The following KANSL1L variants were observed in gnomAD, a reference collection of about 807,000 sequenced individuals.
KANSL1L encodes KAT8 regulatory NSL complex subunit 1-like protein.
Under a neutral mutation model 108.6 loss-of-function variants are expected in KANSL1L, and 25 were observed. The ratio of observed to expected loss-of-function variants is 0.23; its 90% CI spans 0.17 to 0.32. The LOEUF (loss-of-function observed/expected upper bound fraction) is 0.32, where lower values mean the gene tolerates loss of function less well. Ranked by LOEUF, KANSL1L falls within the 10% of genes least tolerant of loss-of-function variation. The pLI is 1.00. For missense variants in KANSL1L, 1,137 were observed against 1,125.7 expected, an observed-to-expected ratio of 1.01 and a Z score of -0.14; for synonymous variants, 405 against 395.1, an observed-to-expected ratio of 1.03 and a Z score of -0.30.
chr2:210,122,289 C>T (rs547016236), intron 3 of KANSL1L, among the ~76,000 whole-genome samples: 7 of 152,230 alleles, frequency 4.6e-5, no homozygotes, highest in African/African-American at 1.7e-4. Flanking sequence ...AATTATACTA[C>T]AGAGCTGTAT....
At chr2:210,115,719 G>C (rs958625113) in intron 3 of KANSL1L, among the ~76,000 whole-genome samples, 6 of 152,162 alleles carry the variant, frequency 3.9e-5, no homozygotes, top group African/African-American at 1.4e-4. Flanking sequence ...CCATGAGTTA[G>C]CATGAAGCAA....
intron 5 of KANSL1L, among the ~76,000 whole-genome samples, chr2:210,092,180 C>T (rs1333721016): frequency 6.6e-6 from 1 of 152,148 alleles, no homozygotes; most frequent in Non-Finnish European, 1.5e-5. Flanking sequence ...CTGTGTTTGG[C>T]TTCCTGAATG....
intron 3 of KANSL1L, among the ~76,000 whole-genome samples, chr2:210,115,049 A>C (rs2094941670): frequency 6.6e-6 from 1 of 152,116 alleles, no homozygotes. Context: ...AAAAGGTATA[A>C]GATATATAGA....
intron 4 of KANSL1L, among the ~76,000 whole-genome samples, chr2:210,099,034 G>A (rs1400311772): frequency 6.6e-6 from 1 of 151,870 alleles, no homozygotes; most frequent in African/African-American, 2.4e-5. Flanking sequence ...AGAAGAACTG[G>A]AAAATATAGA....
At chr2:210,110,443 T>C (rs1270948328) in intron 3 of KANSL1L, among the ~76,000 whole-genome samples, 1 of 152,186 alleles carries the variant, frequency 6.6e-6, no homozygotes, top group Non-Finnish European at 1.5e-5. Flanking sequence ...AACCTATTCC[T>C]TTTCATTTAT....
chr2:210,024,329 T>A, intron 13 of KANSL1L, 128 bp from the exon 14 acceptor site: 2 of 572,164 alleles, frequency 3.5e-6, no homozygotes, highest in Non-Finnish European at 5.8e-6. Flanking sequence ...CAAAGATTTT[T>A]AAAAATTCCC....
intron 5 of KANSL1L, among the ~76,000 whole-genome samples, chr2:210,091,847 T>C (rs1341397764): frequency 6.6e-6 from 1 of 152,194 alleles, no homozygotes; most frequent in African/African-American, 2.4e-5. Context: ...CCTTTATGTT[T>C]AGAGTCTACT....
At chr2:210,065,372 T>C (rs2094458464) in intron 6 of KANSL1L, among the ~76,000 whole-genome samples, 1 of 149,692 alleles carries the variant, frequency 6.7e-6, no homozygotes. Context: ...TACTTCCCCA[T>C]TCAAAAATAA....
intron 6 of KANSL1L, among the ~76,000 whole-genome samples, chr2:210,046,518 A>G (rs937874614): frequency 5.3e-5 from 8 of 152,162 alleles, no homozygotes; most frequent in African/African-American, 1.9e-4. Context: ...ATAAAGGAAT[A>G]GGAAAGAAGA....
intron 1 of KANSL1L, among the ~76,000 whole-genome samples, chr2:210,156,210 A>G (rs940171202): frequency 2.0e-5 from 3 of 152,098 alleles, no homozygotes; most frequent in Admixed American, 2.0e-4. Flanking sequence ...ATAGATTAAC[A>G]AAACAAGAGC....
intron 3 of KANSL1L, among the ~76,000 whole-genome samples, chr2:210,127,798 C>CAAAAAAA (rs55979027): frequency 7.1e-5 from 2 of 28,130 alleles, no homozygotes; most frequent in African/African-American, 1.3e-4. Context: ...GACTCTGCCT[C>CAAAAAAA]AAAAAAAAAA....
At chr2:210,117,829 C>G (rs2094969095) in intron 3 of KANSL1L, among the ~76,000 whole-genome samples, 1 of 152,070 alleles carries the variant, frequency 6.6e-6, no homozygotes, top group Admixed American at 6.6e-5. Context: ...ATAAACAAAT[C>G]TCTTGATTCA....
At chr2:210,114,289 C>T (rs1336151301) in intron 3 of KANSL1L, among the ~76,000 whole-genome samples, 1 of 151,906 alleles carries the variant, frequency 6.6e-6, no homozygotes, top group Non-Finnish European at 1.5e-5. Flanking sequence ...AAAAAACAAA[C>T]AAAAGAAAAC....
At chr2:210,064,930 T>A (rs2094453348) in intron 6 of KANSL1L, among the ~76,000 whole-genome samples, 1 of 151,896 alleles carries the variant, frequency 6.6e-6, no homozygotes, top group Non-Finnish European at 1.5e-5. Context: ...CTAAGGTTTC[T>A]AGGCAGAATG....
Position 210,044,547 on chromosome 2 carries a change from TTTTAA to T in KANSL1L, c.1756-448_1756-444del, listed in dbSNP as rs1184187899. Among the ~76,000 whole-genome samples the T allele has an allele frequency of 6.6e-6, 1 of 152,106 alleles. No individual in the cohort carries two copies. The highest frequency in any genetic ancestry group is 2.4e-5 in the African/African-American group (1 of 41,450). ...TTGTTCCTGATTGTAATGGGAATGCTTTTAATTTATCACAATAAGAATGATATGGA... is the reference window on the plus strand; with the variant it reads ...TTGTTCCTGATTGTAATGGGAATGCTTTTATCACAATAAGAATGATATGGA... On this transcript the variant is annotated intron_variant, in intron 6 of 14. Transcript: ENST00000281772. The surrounding 1 kb of genome is among the most constrained non-coding windows in gnomAD (Gnocchi z 4.2).
At chr2:210,145,163 C>T (rs558295401) in intron 2 of KANSL1L, among the ~76,000 whole-genome samples, 19 of 152,310 alleles carry the variant, frequency 1.2e-4, no homozygotes, top group African/African-American at 3.1e-4. Flanking sequence ...GCTCCAGTCA[C>T]GAAGACTGGT....
intron 1 of KANSL1L, among the ~76,000 whole-genome samples, chr2:210,156,548 A>C (rs561684909): frequency 6.6e-6 from 1 of 152,260 alleles, no homozygotes; most frequent in South Asian, 2.1e-4. Context: ...AAAAATAAAA[A>C]AGAACACTGT....
In KANSL1L at chr2:210,129,190, A is replaced by T. The variant is rs758333333; in HGVS notation, c.1089-18T>A. Reference sequence around the variant, plus strand: ...TACAGTTACTGTGAACAAAACAAACACTGTTACTCAAAGCACAAAGGCAAT... The same window carrying T: ...TACAGTTACTGTGAACAAAACAAACTCTGTTACTCAAAGCACAAAGGCAAT... On this transcript the variant is annotated intron_variant, in intron 2 of 14. Transcript: ENST00000281772. 1 of 1,579,816 alleles carries T rather than the reference A, an allele frequency of 6.3e-7. No individual in the cohort carries two copies.
At chr2:210,085,168 T>C (rs1204238379) in intron 5 of KANSL1L, among the ~76,000 whole-genome samples, 2 of 152,150 alleles carry the variant, frequency 1.3e-5, no homozygotes, top group Non-Finnish European at 2.9e-5. Flanking sequence ...ATCAATGAAA[T>C]ATAAAGAACT....
Sources: gnomAD v4.1 joint callset for allele counts (sites outside exome capture counted in the v4.1 genomes callset) on GRCh38, gnomAD v4.1.1 for gene constraint, Gnocchi (gnomAD v3.1) non-coding constraint, MANE v1.5 for transcripts, NCBI Gene and HGNC (gene_info 2026-07-23, HGNC 2026-07-21) for gene names.